Variants in ZNF672 observed in about 807,000 individuals in gnomAD.
ZNF672 encodes the protein hypothetical protein FLJ22301.
For synonymous variants in ZNF672, 358 were observed against 305.6 expected (o/e 1.17, Z -1.79); for missense variants, 733 against 701.1 (o/e 1.05, Z -0.51).
intron 1 of ZNF672, chr1:248,842,710 A>G (rs1013602585): frequency 6.6e-6 from 1 of 152,036 alleles, no homozygotes; most frequent in Non-Finnish European, 1.5e-5. Context: ...CTTCTATCTC[A>G]TCTGGATTTC....
Position 248,847,698 on chromosome 1 carries a change from C to G in ZNF672, c.424C>G (p.Leu142Val). The change falls in exon 4 of 4, where the codon CTG becomes GTG. Residue 142 changes from leucine to valine, a missense_variant. Physicochemically the swap from Leu to Val is conservative, Grantham distance 32. Transcript: ENST00000306562. ...LCARTFRQSA[L>V]LFHQARAHPL... is the part of the protein sequence containing the mutation. ...CGCCCGCACCTTCCGGCAGAGCGCG[C>G]TGCTCTTCCACCAGGCGCGGGCGCA... The G allele has an allele frequency of 6.8e-7, 1 of 1,464,596 alleles. No homozygotes were observed. The allele number at this position is 1,464,596 out of a possible 1,614,324, so 90.7% of individuals were successfully genotyped here. A position where few individuals can be genotyped will look rare whatever the true frequency, so the allele number is the denominator to read the frequency against.
intron 2 of ZNF672, 131 bp downstream of exon 2, chr1:248,844,767 T>C (rs1483861139): frequency 6.6e-6 from 1 of 152,268 alleles, no homozygotes; most frequent in East Asian, 1.9e-4. Flanking sequence ...AGAGGTGCCA[T>C]GGTCTCCAGA....
Position 248,848,541 on chromosome 1 carries a change from G to A in ZNF672, c.1267G>A (p.Ala423Thr), listed in dbSNP as rs751332498. Residue 423 changes from alanine (A) to threonine (T), a missense_variant, in exon 4 of 4, where the codon GCT becomes ACT. Coordinates refer to ENST00000306562, the MANE Select transcript of ZNF672 (RefSeq NM_024836.3). ...HQRAHTRART[A>T]AAVAIQSAVG... ...GCGGGCCCACACGCGCGCCCGCACCGCTGCCGCCGTTGCCATCCAGTCCGC... is the reference window on the plus strand; with the variant it reads ...GCGGGCCCACACGCGCGCCCGCACCACTGCCGCCGTTGCCATCCAGTCCGC... 11 of 1,597,666 alleles carry A rather than the reference G, an allele frequency of 6.9e-6. No homozygotes were observed. The East Asian group carries it at 2.0e-4, about 30-fold the overall frequency.
At position 248,848,188 on chromosome 1, in the gene ZNF672, A is replaced by G. The variant is rs1308882373; in HGVS notation, c.914A>G (p.His305Arg). The change falls in exon 4 of 4, where the codon CAC (histidine) becomes CGC (arginine). Residue 305 changes from histidine to arginine, a missense_variant. By Grantham distance (29) the His-to-Arg change is conservative (BLOSUM62 0). Transcript: ENST00000306562. ...RSDLVVHQRI[H>R]TGEKPFACPE... ...GACCTGGTGGTGCACCAGCGCATCC[A>G]CACGGGCGAGAAGCCCTTCGCGTGC... is the stretch of plus-strand genomic sequence containing the variant. 15 of 1,600,130 alleles carry G rather than the reference A, an allele frequency of 9.4e-6. No individual in the cohort carries two copies. Among genetic ancestry groups the G allele is most frequent in the Non-Finnish European group, 1.3e-5 (15 of 1,176,918 alleles).
intron 1 of ZNF672, among the ~76,000 whole-genome samples, chr1:248,840,210 C>G (rs548419593): frequency 6.6e-6 from 1 of 152,248 alleles, no homozygotes; most frequent in African/African-American, 2.4e-5. Flanking sequence ...CTGCTTCAGC[C>G]TCCCGAGTTA....
At position 248,847,503 on chromosome 1, in the gene ZNF672, C is replaced by G. The variant is rs1457531007; in HGVS notation, c.229C>G (p.Gln77Glu). The G allele has an allele frequency of 6.3e-7, 1 of 1,598,074 alleles. No homozygotes were observed. Among genetic ancestry groups the G allele is most frequent in the South Asian group, 1.1e-5 (1 of 88,746 alleles). Residue 77 changes from glutamine (Q) to glutamate (E), a missense_variant, in exon 4 of 4, where the codon CAA becomes GAA. Gln to Glu is a conservative substitution (Grantham distance 29). Coordinates refer to ENST00000306562, the MANE Select transcript of ZNF672 (RefSeq NM_024836.3). ...CCTCTACATCTGCAGTGAGTGCGGA[C>G]AAAGCTTCCGCCACAGCGGCCGTCT... ...QTLYICSECG[Q>E]SFRHSGRLDL... is the part of the protein sequence containing the mutation.
At chr1:248,842,141 C>T (rs1664687893) in intron 1 of ZNF672, among the ~76,000 whole-genome samples, 1 of 152,228 alleles carries the variant, frequency 6.6e-6, no homozygotes, top group African/African-American at 2.4e-5. Context: ...CCCATCCGCA[C>T]CTCCTAGAAT....
chr1:248,847,991 C>T lies in ZNF672; in HGVS notation c.717C>T (p.Ser239=), dbSNP rs373331980. The T allele has an allele frequency of 1.7e-5, 27 of 1,557,318 alleles. No homozygotes were observed. The African/African-American group carries it at 3.1e-4, about 18-fold the overall frequency. The change falls in exon 4 of 4, where the codon AGC becomes AGT. Residue 239 remains serine (S), a synonymous_variant. Transcript: ENST00000306562. ...CPECGKGFLE[S]ATLVRHQRTH... ...AGTGCGGCAAGGGCTTCCTGGAGAG[C>T]GCCACGCTGGTGCGCCACCAGCGCA...
chr1:248,843,639 C>T (rs1225954297), intron 1 of ZNF672, among the ~76,000 whole-genome samples: 1 of 152,146 alleles, frequency 6.6e-6, no homozygotes, highest in African/African-American at 2.4e-5. Flanking sequence ...AACTATAAGC[C>T]ACATTTATAA....
Position 248,847,578 on chromosome 1 carries a change from C to G in ZNF672, c.304C>G (p.Arg102Gly), listed in dbSNP as rs962130283. The G allele has an allele frequency of 2.2e-5, 35 of 1,569,466 alleles. No individual in the cohort carries two copies. Among genetic ancestry groups the G allele is most frequent in the Non-Finnish European group, 2.8e-5 (33 of 1,161,570 alleles). ...HRQRCRTCPC[R>G]TCGRRFPHLP... is the part of the protein sequence containing the mutation. ...GCAGCGATGCCGCACTTGCCCCTGC[C>G]GCACATGCGGCCGGCGCTTCCCGCA... Residue 102 changes from arginine (R) to glycine (G), a missense_variant, in exon 4 of 4, where the codon CGC (arginine) becomes GGC (glycine). Arg to Gly is a moderately radical substitution (Grantham distance 125). Coordinates refer to ENST00000306562, the MANE Select transcript of ZNF672 (RefSeq NM_024836.3).
At position 248,847,783 on chromosome 1, in the gene ZNF672, G is replaced by A. The variant is rs1358391110; in HGVS notation, c.509G>A (p.Arg170Gln). ...APPHRCAQCP[R>Q]AFRSGAGLRS... ...CCCCACCGCTGCGCGCAGTGCCCGC[G>A]AGCCTTCCGAAGCGGCGCCGGGCTG... The change falls in exon 4 of 4, where the codon CGA becomes CAA. Residue 170 changes from arginine to glutamine, a missense_variant. Transcript: ENST00000306562. 2.0e-6 allele frequency: 3 copies of A among 1,535,718 alleles called. No homozygotes were observed. In the African/African-American group the frequency reaches 4.1e-5, roughly 21 times the overall value.
At position 248,845,251 on chromosome 1, in the gene ZNF672, G is replaced by A. The variant is rs185637536; in HGVS notation, c.-320-315G>A. Among the ~76,000 whole-genome samples, 16 of 152,276 alleles carry A rather than the reference G, an allele frequency of 1.1e-4. No individual in the cohort carries two copies. In the East Asian group the frequency reaches 3.1e-3, roughly 29 times the overall value. On this transcript the variant is annotated intron_variant, in intron 2 of 3. Coordinates refer to ENST00000306562, the MANE Select transcript of ZNF672 (RefSeq NM_024836.3). ...CTCTCTAGCCTGGGCGACAGGGCGA[G>A]ACTGTCAGAAAGTCTACTCCAGAGC...
Position 248,844,683 on chromosome 1 carries a change from C to T in ZNF672, c.-321+47C>T, listed in dbSNP as rs141415669. On this transcript the variant is annotated intron_variant, in intron 2 of 3. Transcript: ENST00000306562. ...TTAAGTCTACACGTTGGTATTTGTGCATTTGCCTTCCTTGGGCATGTGCCC... is the reference window on the plus strand; with the variant it reads ...TTAAGTCTACACGTTGGTATTTGTGTATTTGCCTTCCTTGGGCATGTGCCC... The T allele has an allele frequency of 3.4e-3, 514 of 152,404 alleles. 3 individuals are homozygous for T. The highest frequency in any genetic ancestry group is 0.012 in the African/African-American group (486 of 41,582). The allele number at this position is 152,404 out of a possible 1,614,324, so 9.4% of individuals were successfully genotyped here.
intron 1 of ZNF672, among the ~76,000 whole-genome samples, chr1:248,843,625 A>G (rs1164618744): frequency 6.6e-6 from 1 of 152,244 alleles, no homozygotes; most frequent in Non-Finnish European, 1.5e-5. Context: ...ATTCAATAAA[A>G]ATAAACTATA....
Position 248,847,950 on chromosome 1 carries a change from C to G in ZNF672, c.676C>G (p.Pro226Ala). The G allele has an allele frequency of 6.4e-7, 1 of 1,571,242 alleles. No individual in the cohort carries two copies. Reference sequence around the variant, plus strand: ...CCTGCAGACGCACTCGGGGGAGAAACCCTTCAAGTGCCCGGAGTGCGGCAA... The same window carrying G: ...CCTGCAGACGCACTCGGGGGAGAAAGCCTTCAAGTGCCCGGAGTGCGGCAA... The part of the protein sequence containing the change: ...RHLQTHSGEK[P>A]FKCPECGKGF... Residue 226 changes from proline to alanine, a missense_variant, in exon 4 of 4, where the codon CCC becomes GCC. Coordinates refer to ENST00000306562, the MANE Select transcript of ZNF672 (RefSeq NM_024836.3).
chr1:248,847,385 C>T lies in ZNF672; in HGVS notation c.111C>T (p.Gly37=), dbSNP rs367693019. Residue 37 remains glycine, a synonymous_variant, in exon 4 of 4, where the codon GGC becomes GGT. Transcript: ENST00000306562. ...SVLLRHERAH[G]GDGRFRCLEC... ...TGCTGCGACATGAACGAGCTCACGG[C>T]GGTGACGGCCGCTTCCGTTGCCTAG... The T allele has an allele frequency of 8.7e-6, 14 of 1,604,456 alleles. No homozygotes were observed. The highest frequency in any genetic ancestry group is 2.7e-5 in the African/African-American group (2 of 74,748).
intron 2 of ZNF672, 133 bp from the exon 3 acceptor site, chr1:248,845,433 T>A (rs910499403): frequency 4.6e-5 from 7 of 152,200 alleles, no homozygotes; most frequent in Non-Finnish European, 7.3e-5. Flanking sequence ...TGATCTATGA[T>A]ACTGTTCAGG....
At chr1:248,842,937 C>T (rs1374054583) in intron 1 of ZNF672, among the ~76,000 whole-genome samples, 1 of 152,162 alleles carries the variant, frequency 6.6e-6, no homozygotes, top group Non-Finnish European at 1.5e-5. Flanking sequence ...AGAGCACTCC[C>T]TGGGGCGCCA....
At chr1:248,841,662 C>T (rs11205426) in intron 1 of ZNF672, among the ~76,000 whole-genome samples, 1,827 of 152,272 alleles carry the variant, frequency 0.012, 52 homozygotes, top group African/African-American at 0.042. Flanking sequence ...TGGCTCACAC[C>T]TGTAATGCCA....
Sources: allele counts gnomAD v4.1 joint callset (sites outside exome capture counted in the v4.1 genomes callset), GRCh38; gene constraint gnomAD v4.1.1; transcripts MANE v1.5; gene names NCBI Gene and HGNC (gene_info 2026-07-23, HGNC 2026-07-21).